Variants in BACH2 observed in about 807,000 individuals in gnomAD.
BACH2 encodes the protein BACH transcriptional regulator 2, also known as transcription regulator protein BACH2.
BACH2 carries 5 observed loss-of-function variants against 61.8 expected under a neutral mutation model. The ratio of observed to expected loss-of-function variants is 0.08; its 90% CI spans 0.04 to 0.17. The LOEUF (loss-of-function observed/expected upper bound fraction) is 0.17. Ranked by LOEUF, BACH2 falls within the 10% of genes least tolerant of loss-of-function variation. The pLI is 1.00. For synonymous variants in BACH2, 446 were observed against 440.1 expected (o/e 1.01, Z -0.17); for missense variants, 824 against 1,091.1 (o/e 0.76, Z 3.45).
chr6:90,090,636 A>ACAGGATAACTGGTATAGAGAATG (rs1782122271), intron 4 of BACH2, among the ~76,000 whole-genome samples: 1 of 152,176 alleles, frequency 6.6e-6, no homozygotes, highest in South Asian at 2.1e-4. Context: ...ATTTTAGTTT[A>ACAGGATAACTGGTATAGAGAATG]CCATCAAATG....
chr6:90,070,989 TG>T (rs1210291517), intron 5 of BACH2, among the ~76,000 whole-genome samples: 2 of 152,164 alleles, frequency 1.3e-5, no homozygotes, highest in African/African-American at 4.8e-5. Context: ...GTTTTTTGTT[TG>T]TTTTTTTGGG....
intron 6 of BACH2, among the ~76,000 whole-genome samples, chr6:89,959,074 C>T (rs1774586633): frequency 6.7e-6 from 1 of 150,232 alleles, no homozygotes; most frequent in Non-Finnish European, 1.5e-5. Context: ...CTGGCCCTGT[C>T]AATAACACAT....
At chr6:90,115,580 T>C (rs1190435021) in intron 4 of BACH2, among the ~76,000 whole-genome samples, 1 of 151,960 alleles carries the variant, frequency 6.6e-6, no homozygotes, top group East Asian at 1.9e-4. Flanking sequence ...GAAGACAACC[T>C]GGGCAATACC....
intron 3 of BACH2, among the ~76,000 whole-genome samples, chr6:90,230,432 G>A (rs1474381619): frequency 6.6e-6 from 1 of 152,172 alleles, no homozygotes; most frequent in East Asian, 1.9e-4. Context: ...GCTTAGCACT[G>A]TCTCCATATA....
chr6:90,032,645 AACC>A (rs1779052513), intron 5 of BACH2, among the ~76,000 whole-genome samples: 1 of 152,088 alleles, frequency 6.6e-6, no homozygotes, highest in South Asian at 2.1e-4. Flanking sequence ...TGCAAATCAA[AACC>A]ACAATGAGAT....
At chr6:90,167,123 T>C (rs1184049090) in intron 4 of BACH2, among the ~76,000 whole-genome samples, 6 of 152,300 alleles carry the variant, frequency 3.9e-5, no homozygotes, top group African/African-American at 1.4e-4. Flanking sequence ...ACCCTCACAG[T>C]ATTCTGAAAT....
chr6:90,256,284 A>T (rs1466992045), intron 2 of BACH2, among the ~76,000 whole-genome samples: 1 of 152,156 alleles, frequency 6.6e-6, no homozygotes, highest in African/African-American at 2.4e-5. Context: ...GTGACATGTG[A>T]TTGAGTTCTA....
intron 4 of BACH2, among the ~76,000 whole-genome samples, chr6:90,154,829 G>A (rs1314888191): frequency 6.6e-6 from 1 of 152,182 alleles, no homozygotes; most frequent in African/African-American, 2.4e-5. Context: ...GGTCCTGTCC[G>A]TAGAAAGAGA....
chr6:90,224,095 A>T (rs1369580103), intron 3 of BACH2, among the ~76,000 whole-genome samples: 2 of 152,246 alleles, frequency 1.3e-5, no homozygotes, highest in Non-Finnish European at 2.9e-5. Context: ...ATTGGAAATT[A>T]TAACAGTTCT....
At chr6:90,233,829 G>C (rs2127861340) in intron 3 of BACH2, among the ~76,000 whole-genome samples, 1 of 152,290 alleles carries the variant, frequency 6.6e-6, no homozygotes, top group East Asian at 1.9e-4. Context: ...TGCGATCAGA[G>C]AGAATGCCAG....
chr6:90,014,454 A>G (rs1460187079), intron 5 of BACH2, among the ~76,000 whole-genome samples: 7 of 75,120 alleles, frequency 9.3e-5, no homozygotes, highest in East Asian at 3.2e-4. Context: ...ATATATATAT[A>G]TATATATATA....
intron 6 of BACH2, among the ~76,000 whole-genome samples, chr6:89,980,951 G>C (rs557656529): frequency 6.7e-6 from 1 of 148,984 alleles, no homozygotes; most frequent in Non-Finnish European, 1.5e-5. Context: ...CTTCTTCCTT[G>C]TGTATTAACC....
chr6:90,263,140 T>C (rs1771217434), intron 2 of BACH2, among the ~76,000 whole-genome samples: 1 of 152,204 alleles, frequency 6.6e-6, no homozygotes, highest in Non-Finnish European at 1.5e-5. Flanking sequence ...CTCTCTGTGA[T>C]GCATCTCACC....
chr6:90,029,277 G>C (rs1014097531), intron 5 of BACH2, among the ~76,000 whole-genome samples: 1 of 152,130 alleles, frequency 6.6e-6, no homozygotes. Flanking sequence ...CCAAGAACGA[G>C]GGGACTTGGG....
At chr6:90,200,247 G>A (rs966362966) in intron 4 of BACH2, among the ~76,000 whole-genome samples, 1 of 152,036 alleles carries the variant, frequency 6.6e-6, no homozygotes, top group East Asian at 1.9e-4. Context: ...AGGGTCTAAG[G>A]GTGCCCCTCC....
intron 3 of BACH2, among the ~76,000 whole-genome samples, chr6:90,244,243 A>G (rs920923065): frequency 2.0e-5 from 3 of 152,222 alleles, no homozygotes; most frequent in East Asian, 1.9e-4. Flanking sequence ...ATTTAAAAAG[A>G]AATACTGTCT....
chr6:89,968,649 A>G (rs1280184931), intron 6 of BACH2, among the ~76,000 whole-genome samples: 1 of 152,246 alleles, frequency 6.6e-6, no homozygotes, highest in Non-Finnish European at 1.5e-5. Flanking sequence ...AATGCAAAAA[A>G]TTTACTTGAG....
chr6:90,296,819 AGGC>A lies in BACH2; in HGVS notation c.-788_-786del. The A allele has an allele frequency of 6.3e-5, 11 of 175,170 alleles. No individual in the cohort carries two copies. The highest frequency in any genetic ancestry group is 2.9e-4 in the South Asian group (2 of 6,826). 10.9% of individuals were successfully genotyped at this position (175,170 alleles called of 1,614,324 possible). A position where few individuals can be genotyped will look rare whatever the true frequency, so the allele number is the denominator to read the frequency against. The stretch of plus-strand genomic sequence containing the variant: ...GCTGCTGCTGCTGCTGCTGCTGCTG[AGGC>A]GGCGGCGGCTCGGCGCTGTTTGCTC... On this transcript the variant is annotated 5_prime_UTR_variant, in exon 1 of 9. Transcript: ENST00000257749.
At chr6:90,123,000 T>C (rs567025575) in intron 4 of BACH2, among the ~76,000 whole-genome samples, 1 of 152,118 alleles carries the variant, frequency 6.6e-6, no homozygotes, top group East Asian at 1.9e-4. Context: ...TTAGAAGGAG[T>C]AGGGGGTTGA....
Sources: allele counts gnomAD v4.1 joint callset (sites outside exome capture counted in the v4.1 genomes callset), GRCh38; gene constraint gnomAD v4.1.1; transcripts MANE v1.5; gene names NCBI Gene and HGNC (gene_info 2026-07-23, HGNC 2026-07-21).